SLC25A13: variants seen among roughly 807,000 people sequenced by gnomAD.
SLC25A13 encodes the protein solute carrier family 25 member 13.
A neutral mutation model predicts 85.5 loss-of-function variants in SLC25A13; 70 were observed. The ratio of observed to expected loss-of-function variants is 0.82; its 90% confidence interval spans 0.68 to 1.00. The LOEUF is 1.00. Among genes scored for constraint, SLC25A13 ranks in the 50% least tolerant of loss-of-function variants. The pLI, the probability that SLC25A13 is intolerant of heterozygous loss-of-function variation, is 0.00. For missense variants in SLC25A13, 765 were observed against 819.8 expected (o/e 0.93, Z 0.82); for synonymous variants, 259 against 288.7 (o/e 0.90, Z 1.04).
intron 15 of SLC25A13, among the ~76,000 whole-genome samples, chr7:96,128,606 A>C (rs1358923954): frequency 6.6e-6 from 1 of 152,052 alleles, no homozygotes; most frequent in Admixed American, 6.6e-5. Context: ...AATAATAGGA[A>C]AGTCAATGCT....
At chr7:96,178,996 A>C (rs1395130927) in intron 11 of SLC25A13, among the ~76,000 whole-genome samples, 1 of 152,258 alleles carries the variant, frequency 6.6e-6, no homozygotes, top group Admixed American at 6.5e-5. Flanking sequence ...CAGTTTATCT[A>C]GGTTAAATTA....
chr7:96,157,551 C>A (rs985822809), intron 13 of SLC25A13, among the ~76,000 whole-genome samples: 1 of 152,176 alleles, frequency 6.6e-6, no homozygotes, highest in African/African-American at 2.4e-5. Flanking sequence ...CACCTGTAAT[C>A]CCAGCACTTT....
At chr7:96,241,037 G>GGAAAGAAAGAAAGAAAGAAA (rs200466951) in intron 3 of SLC25A13, among the ~76,000 whole-genome samples, 29 of 80,674 alleles carry the variant, frequency 3.6e-4, no homozygotes, top group East Asian at 2.2e-3. Flanking sequence ...AAGAAAGAAA[G>GGAAAGAAAGAAAGAAAGAAA]GAAAGAAAGA....
At chr7:96,136,951 C>T (rs6971284) in intron 14 of SLC25A13, among the ~76,000 whole-genome samples, 5,513 of 152,188 alleles carry the variant, frequency 0.036, 283 homozygotes, top group African/African-American at 0.11. Context: ...TCAGAGCCAC[C>T]CAGCCCTCTT....
At chr7:96,249,230 C>A (rs1797321065) in intron 3 of SLC25A13, among the ~76,000 whole-genome samples, 1 of 152,210 alleles carries the variant, frequency 6.6e-6, no homozygotes, top group Non-Finnish European at 1.5e-5. Context: ...CCACAGTAAA[C>A]AGAATACTAC....
intron 15 of SLC25A13, among the ~76,000 whole-genome samples, chr7:96,128,416 A>G (rs1193284407): frequency 6.6e-6 from 1 of 152,120 alleles, no homozygotes; most frequent in African/African-American, 2.4e-5. Context: ...CTGGCTTCTG[A>G]TATCTGTTAT....
chr7:96,318,886 G>A (rs1273460053), intron 1 of SLC25A13, among the ~76,000 whole-genome samples: 1 of 152,158 alleles, frequency 6.6e-6, no homozygotes, highest in Non-Finnish European at 1.5e-5. Context: ...ACAGTCCATT[G>A]AGGTGAAGTC....
intron 13 of SLC25A13, among the ~76,000 whole-genome samples, chr7:96,165,373 T>C (rs1793700891): frequency 6.6e-6 from 1 of 152,190 alleles, no homozygotes; most frequent in Admixed American, 6.5e-5. Flanking sequence ...AAGAAATGAC[T>C]GTTGTCTAGG....
intron 6 of SLC25A13, 143 bp downstream of exon 6, chr7:96,192,890 CTTTG>C (rs927810014): frequency 4.2e-5 from 38 of 898,338 alleles, no homozygotes; most frequent in African/African-American, 1.8e-4. Context: ...AAAACACACT[CTTTG>C]TTTGAGTTTA....
At chr7:96,302,310 C>T (rs948399388) in intron 1 of SLC25A13, among the ~76,000 whole-genome samples, 2 of 152,128 alleles carry the variant, frequency 1.3e-5, no homozygotes, top group South Asian at 2.1e-4. Context: ...TGAGTTAGAG[C>T]AGCCATAGGT....
chr7:96,186,926 A>G (rs1332804466), intron 9 of SLC25A13, among the ~76,000 whole-genome samples: 1 of 152,158 alleles, frequency 6.6e-6, no homozygotes, highest in Non-Finnish European at 1.5e-5. Context: ...TACCACCCAG[A>G]GATACTCAAA....
intron 3 of SLC25A13, among the ~76,000 whole-genome samples, chr7:96,238,147 G>A (rs1199662121): frequency 6.6e-6 from 1 of 152,126 alleles, no homozygotes; most frequent in Non-Finnish European, 1.5e-5. Context: ...AATATGACTG[G>A]AGTCTTTTTT....
intron 5 of SLC25A13, 56 bp from the exon 6 acceptor site, chr7:96,193,239 C>A: frequency 6.3e-7 from 1 of 1,582,618 alleles, no homozygotes; most frequent in Non-Finnish European, 8.7e-7. Flanking sequence ...ATAATTACTA[C>A]AAATGACAGT....
At chr7:96,289,866 C>T (rs1258189550) in intron 2 of SLC25A13, among the ~76,000 whole-genome samples, 10 of 152,100 alleles carry the variant, frequency 6.6e-5, no homozygotes, top group African/African-American at 2.2e-4. Context: ...ACTTCCCCAA[C>T]CTAGCAAGGC....
chr7:96,151,541 G>A (rs1793045700), intron 13 of SLC25A13, among the ~76,000 whole-genome samples: 1 of 151,996 alleles, frequency 6.6e-6, no homozygotes, highest in African/African-American at 2.4e-5. Flanking sequence ...AGATTTCAGT[G>A]AGCCAGGATC....
intron 14 of SLC25A13, among the ~76,000 whole-genome samples, chr7:96,135,428 T>C (rs1320294876): frequency 2.0e-5 from 3 of 152,198 alleles, no homozygotes; most frequent in Non-Finnish European, 4.4e-5. Flanking sequence ...GTCTTAGGCA[T>C]AAAGGCAGGT....
intron 15 of SLC25A13, among the ~76,000 whole-genome samples, chr7:96,129,732 T>C (rs1221253667): frequency 6.6e-6 from 1 of 152,190 alleles, no homozygotes; most frequent in Non-Finnish European, 1.5e-5. Context: ...ACTATTCTTA[T>C]CTCCAAATAC....
At chr7:96,247,768 TATATAC>T (rs1797257105) in intron 3 of SLC25A13, among the ~76,000 whole-genome samples, 1 of 152,172 alleles carries the variant, frequency 6.6e-6, no homozygotes, top group South Asian at 2.1e-4. Flanking sequence ...GTGTTATTTT[TATATAC>T]ATATACATTG....
intron 13 of SLC25A13, among the ~76,000 whole-genome samples, chr7:96,165,129 C>T (rs1793691684): frequency 6.6e-6 from 1 of 152,118 alleles, no homozygotes; most frequent in African/African-American, 2.4e-5. Flanking sequence ...AAGAAGATCC[C>T]TGCTTTTGCA....
Sources: gnomAD v4.1 joint callset for allele counts (sites outside exome capture counted in the v4.1 genomes callset) on GRCh38, gnomAD v4.1.1 for gene constraint, MANE v1.5 for transcripts, NCBI Gene and HGNC (gene_info 2026-07-23, HGNC 2026-07-21) for gene names.